MYO1E: variants seen among roughly 807,000 people sequenced by gnomAD.
The protein encoded by MYO1E is unconventional myosin-Ie.
MYO1E carries 68 observed loss-of-function variants against 151.1 expected under a neutral mutation model. That is an observed-to-expected ratio of 0.45 (90% CI 0.37 to 0.55). The LOEUF (loss-of-function observed/expected upper bound fraction) is 0.55, where lower values mean the gene tolerates loss of function less well. Ranked by LOEUF, MYO1E falls within the 20% of genes least tolerant of loss-of-function variation. The pLI is 0.00. For missense variants in MYO1E, 1,363 were observed against 1,389.3 expected (o/e 0.98, Z 0.30); for synonymous variants, 601 against 501.7 (o/e 1.20, Z -2.64).
intron 26 of MYO1E, among the ~76,000 whole-genome samples, chr15:59,150,776 C>G (rs1485879473): frequency 6.6e-6 from 1 of 152,180 alleles, no homozygotes; most frequent in Non-Finnish European, 1.5e-5. Context: ...GTCCCTGGAT[C>G]AGAGCATCAC....
intron 22 of MYO1E, among the ~76,000 whole-genome samples, chr15:59,168,600 A>G (rs148088918): frequency 1.3e-5 from 2 of 152,226 alleles, no homozygotes; most frequent in Admixed American, 6.5e-5. Flanking sequence ...TCAAGCACCA[A>G]TTCACGGATA....
At chr15:59,329,792 G>A (rs1278997965) in intron 1 of MYO1E, among the ~76,000 whole-genome samples, 1 of 152,218 alleles carries the variant, frequency 6.6e-6, no homozygotes, top group Non-Finnish European at 1.5e-5. Context: ...ATTACAGCGT[G>A]AGATCAAATC....
At chr15:59,311,701 C>G (rs2080553315) in intron 1 of MYO1E, among the ~76,000 whole-genome samples, 1 of 152,172 alleles carries the variant, frequency 6.6e-6, no homozygotes, top group Non-Finnish European at 1.5e-5. Context: ...AGTTCATGTG[C>G]TGAAAACTCA....
chr15:59,136,988 C>T lies in MYO1E; in HGVS notation c.*392G>A, dbSNP rs1422660924. 2 of 357,100 alleles carry T rather than the reference C, an allele frequency of 5.6e-6. No individual in the cohort carries two copies. Among genetic ancestry groups the T allele is most frequent in the Non-Finnish European group, 1.1e-5 (2 of 181,058 alleles). The allele number at this position is 357,100 out of a possible 1,614,324, so 22.1% of individuals were successfully genotyped here. On this transcript the variant is annotated 3_prime_UTR_variant, in exon 28 of 28. Coordinates refer to ENST00000288235, the MANE Select transcript of MYO1E (RefSeq NM_004998.4). ...ACAAGAGAGATGAAAGAAATGTGCT[C>T]TTCAACTAAAGGCACTTGTCAGCGG...
chr15:59,306,681 A>G (rs2080516701), intron 1 of MYO1E, among the ~76,000 whole-genome samples: 1 of 152,192 alleles, frequency 6.6e-6, no homozygotes, highest in Non-Finnish European at 1.5e-5. Context: ...CTCATTGTTG[A>G]TTCATCATAT....
At chr15:59,257,710 A>G (rs543788542) in intron 3 of MYO1E, among the ~76,000 whole-genome samples, 1 of 152,090 alleles carries the variant, frequency 6.6e-6, no homozygotes, top group East Asian at 1.9e-4. Context: ...TGCTGTAGGC[A>G]GGGGGCTCAT....
chr15:59,314,246 T>C (rs564997948), intron 1 of MYO1E, among the ~76,000 whole-genome samples: 15 of 152,326 alleles, frequency 9.8e-5, no homozygotes, highest in Non-Finnish European at 1.5e-4. Context: ...CCCCTGAATA[T>C]GAATGACAAC....
At chr15:59,177,544 G>A (rs2079632385) in intron 19 of MYO1E, among the ~76,000 whole-genome samples, 1 of 152,186 alleles carries the variant, frequency 6.6e-6, no homozygotes, top group Non-Finnish European at 1.5e-5. Context: ...TCTTGTGATG[G>A]TTAAGGGAGC....
At chr15:59,297,282 T>A (rs1356434414) in intron 1 of MYO1E, among the ~76,000 whole-genome samples, 1 of 151,340 alleles carries the variant, frequency 6.6e-6, no homozygotes, top group Non-Finnish European at 1.5e-5. Context: ...AGAATTTTTT[T>A]TTTTTTAGAG....
At chr15:59,250,709 G>C (rs1389517324) in intron 4 of MYO1E, among the ~76,000 whole-genome samples, 1 of 152,172 alleles carries the variant, frequency 6.6e-6, no homozygotes, top group African/African-American at 2.4e-5. Flanking sequence ...TGCAGGGTGG[G>C]CAGTCTACCG....
intron 1 of MYO1E, among the ~76,000 whole-genome samples, chr15:59,346,509 T>C (rs1180043211): frequency 2.6e-5 from 4 of 152,224 alleles, no homozygotes; most frequent in African/African-American, 4.8e-5. Context: ...GGTTATGACA[T>C]GATATCCATT....
chr15:59,166,891 T>A (rs2079566244), intron 22 of MYO1E, among the ~76,000 whole-genome samples: 1 of 152,216 alleles, frequency 6.6e-6, no homozygotes, highest in Admixed American at 6.5e-5. Flanking sequence ...TAAATCACGC[T>A]GGGAACACTT....
At chr15:59,188,657 C>T (rs541738062) in intron 17 of MYO1E, among the ~76,000 whole-genome samples, 1 of 152,244 alleles carries the variant, frequency 6.6e-6, no homozygotes, top group Non-Finnish European at 1.5e-5. Context: ...GATTGCACCA[C>T]TGCACTCCAG....
At chr15:59,366,114 C>T (rs1391334802) in intron 1 of MYO1E, among the ~76,000 whole-genome samples, 2 of 151,426 alleles carry the variant, frequency 1.3e-5, no homozygotes, top group Non-Finnish European at 2.9e-5. Context: ...CAAGTAGCTG[C>T]GATTACAGGC....
chr15:59,164,436 A>G (rs1173289160), intron 22 of MYO1E, among the ~76,000 whole-genome samples: 1 of 152,198 alleles, frequency 6.6e-6, no homozygotes, highest in Non-Finnish European at 1.5e-5. Context: ...TGCCACAGAC[A>G]CGGTTCTTTG....
At chr15:59,228,563 C>A (rs1259241775) in intron 6 of MYO1E, among the ~76,000 whole-genome samples, 1 of 149,536 alleles carries the variant, frequency 6.7e-6, no homozygotes, top group Non-Finnish European at 1.5e-5. Context: ...GTTTTTTTTT[C>A]TCACTAGAAC....
intron 17 of MYO1E, among the ~76,000 whole-genome samples, chr15:59,190,893 G>C (rs1340101251): frequency 5.3e-5 from 8 of 152,166 alleles, no homozygotes; most frequent in African/African-American, 1.9e-4. Context: ...CCTGGGCCTG[G>C]AGGGGCGAGT....
chr15:59,170,379 T>G (rs2079585611), intron 22 of MYO1E, among the ~76,000 whole-genome samples: 1 of 152,174 alleles, frequency 6.6e-6, no homozygotes, highest in South Asian at 2.1e-4. Flanking sequence ...AAGCACGCTG[T>G]GGCCAACCTG....
At chr15:59,329,280 A>G (rs1167204459) in intron 1 of MYO1E, among the ~76,000 whole-genome samples, 4 of 152,174 alleles carry the variant, frequency 2.6e-5, no homozygotes, top group African/African-American at 9.7e-5. Context: ...AAGCAACACT[A>G]TGACGTAGAT....
Sources: gnomAD v4.1 joint callset for allele counts (sites outside exome capture counted in the v4.1 genomes callset) on GRCh38, gnomAD v4.1.1 for gene constraint, MANE v1.5 for transcripts, NCBI Gene and HGNC (gene_info 2026-07-23, HGNC 2026-07-21) for gene names.